UCP2: variants seen among roughly 807,000 people sequenced by gnomAD.
The protein encoded by UCP2 is uncoupling protein 2, also known as dicarboxylate carrier SLC25A8.
UCP2 carries 27 observed loss-of-function variants against 31.3 expected under a neutral mutation model. That is an observed-to-expected ratio of 0.86 (90% CI 0.64 to 1.19). The LOEUF (loss-of-function observed/expected upper bound fraction) is 1.19. UCP2 is among the 50% of genes most tolerant of loss of function. UCP2 has a pLI of 0.00. For missense variants in UCP2, 377 were observed against 413.5 expected, an observed-to-expected ratio of 0.91 and a Z score of 0.76; for synonymous variants, 142 against 157.4, an observed-to-expected ratio of 0.90 and a Z score of 0.73.
intron 6 of UCP2, among the ~76,000 whole-genome samples, chr11:73,976,330 AGAGT>A (rs1439885748): frequency 5.3e-5 from 8 of 152,128 alleles, no homozygotes; most frequent in African/African-American, 1.7e-4. Context: ...CACGGGTAAC[AGAGT>A]GAGACTCTAT....
chr11:73,978,103 G>C lies in UCP2; in HGVS notation c.127-7C>G, dbSNP rs1457446051. 4.3e-6 allele frequency: 7 copies of C among 1,613,910 alleles called. No individual in the cohort carries two copies. The African/African-American group carries it at 8.0e-5, about 18-fold the overall frequency. On this transcript the variant is annotated splice_polypyrimidine_tract_variant and splice_region_variant and intron_variant, in intron 3 of 7. Coordinates refer to ENST00000663595, the MANE Select transcript of UCP2 (RefSeq NM_003355.3). The stretch of plus-strand genomic sequence containing the variant: ...CCTGACTTTCTCCTTGGATCTGCAA[G>C]GCCAAGACAGGGTAGCTACAGGGAT...
At chr11:73,975,445 G>A in intron 7 of UCP2, 46 bp downstream of exon 7, 1 of 1,573,292 alleles carries the variant, frequency 6.4e-7, no homozygotes, top group Non-Finnish European at 8.6e-7. Context: ...CAATAGACAT[G>A]CATAGCCAAG....
intron 2 of UCP2, 57 bp from the exon 3 acceptor site, chr11:73,978,534 C>T (rs1280933979): frequency 6.4e-6 from 7 of 1,095,934 alleles, no homozygotes; most frequent in African/African-American, 1.6e-5. Context: ...CCTCCCTGCT[C>T]ACCATCCCCA....
chr11:73,975,206 C>T, intron 7 of UCP2, 85 bp from the exon 8 acceptor site: 1 of 1,287,354 alleles, frequency 7.8e-7, no homozygotes, highest in East Asian at 2.5e-5. Context: ...AACCCAGTTG[C>T]TCTGTCCCAA....
intron 4 of UCP2, among the ~76,000 whole-genome samples, chr11:73,977,617 A>G (rs1591220249): frequency 6.6e-6 from 1 of 151,902 alleles, no homozygotes; most frequent in Non-Finnish European, 1.5e-5. Context: ...CTGCCTTCCC[A>G]CCTCAGTCTC....
Position 73,974,997 on chromosome 11 carries a change from C to T in UCP2, c.*10G>A, listed in dbSNP as rs1422866031. 6.5e-7 allele frequency: 1 copy of T among 1,549,978 alleles called. No homozygotes were observed. The highest frequency in any genetic ancestry group is 8.7e-7 in the Non-Finnish European group (1 of 1,143,974). ...AAGCCAGAGGTGATCAGGTCAGCAGCAGGAGAGGCTCAGAAGGGAGCCTCT... is the reference window on the plus strand; with the variant it reads ...AAGCCAGAGGTGATCAGGTCAGCAGTAGGAGAGGCTCAGAAGGGAGCCTCT... On this transcript the variant is annotated 3_prime_UTR_variant, in exon 8 of 8. Coordinates refer to ENST00000663595, the MANE Select transcript of UCP2 (RefSeq NM_003355.3).
intron 7 of UCP2, 91 bp downstream of exon 7, chr11:73,975,400 C>G (rs1248612138): frequency 8.4e-6 from 12 of 1,430,624 alleles, no homozygotes; most frequent in Non-Finnish European, 1.1e-5. Context: ...TCACACTTGG[C>G]TGCTACTCAC....
intron 6 of UCP2, 47 bp downstream of exon 6, chr11:73,976,594 G>A (rs776210946): frequency 6.7e-7 from 1 of 1,499,748 alleles, no homozygotes; most frequent in Non-Finnish European, 9.3e-7. Context: ...ACCTGCTCCT[G>A]GCATGGGGGA....
chr11:73,975,405 A>T, intron 7 of UCP2, 86 bp downstream of exon 7: 1 of 1,457,450 alleles, frequency 6.9e-7, no homozygotes, highest in Non-Finnish European at 9.4e-7. Flanking sequence ...CTTGGCTGCT[A>T]CTCACTTCCA....
intron 4 of UCP2, 144 bp from the exon 5 acceptor site, chr11:73,977,161 C>T: frequency 1.3e-6 from 1 of 786,772 alleles, no homozygotes; most frequent in Non-Finnish European, 2.0e-6. Context: ...CAAGCTCTTG[C>T]TGTAAGAACT....
At chr11:73,976,202 T>C (rs1203736790) in intron 6 of UCP2, among the ~76,000 whole-genome samples, 2 of 151,896 alleles carry the variant, frequency 1.3e-5, no homozygotes, top group Non-Finnish European at 2.9e-5. Context: ...CCATCTCTAC[T>C]AAAAATACAA....
chr11:73,977,891 G>A lies in UCP2; in HGVS notation c.332C>T (p.Ser111Phe). ...CACCCTTGCTCCATACTCACGCTCAGAGCCCTTGGTGTAGAACTGTTTGAC... is the reference window on the plus strand; with the variant it reads ...CACCCTTGCTCCATACTCACGCTCAAAGCCCTTGGTGTAGAACTGTTTGAC... ...DSVKQFYTKG[S>F]EHASIGSRLL... The change falls in exon 4 of 8, where the codon TCT becomes TTT. Residue 111 changes from serine (S) to phenylalanine (F), a missense_variant. Ser to Phe is a radical substitution (Grantham distance 155). Transcript: ENST00000663595. 1 of 1,614,226 alleles carries A rather than the reference G, an allele frequency of 6.2e-7. No individual in the cohort carries two copies. Among genetic ancestry groups the A allele is most frequent in the Non-Finnish European group, 8.5e-7 (1 of 1,180,038 alleles).
chr11:73,979,833 A>C (rs1951423086), intron 2 of UCP2: 1 of 149,282 alleles, frequency 6.7e-6, no homozygotes, highest in Admixed American at 6.7e-5. Context: ...AAAAAAAAAC[A>C]AACCCCAAAA....
rs1951454180 is a variant in UCP2 at position 73,981,476 on chromosome 11, C to G, written c.-100G>C. The G allele has an allele frequency of 6.6e-6, 1 of 152,204 alleles. No homozygotes were observed. The highest frequency in any genetic ancestry group is 2.4e-5 in the African/African-American group (1 of 41,426). 9.4% of individuals were successfully genotyped at this position (152,204 alleles called of 1,614,324 possible). A position where few individuals can be genotyped will look rare whatever the true frequency, so the allele number is the denominator to read the frequency against. Reference sequence around the variant, plus strand: ...CCTCTTCCTTGGACTGGACTCTTACCCGGCTTTGTAAGGTCTCACGGTGAG... The same window carrying G: ...CCTCTTCCTTGGACTGGACTCTTACGCGGCTTTGTAAGGTCTCACGGTGAG... On this transcript the variant is annotated splice_region_variant and 5_prime_UTR_variant, in exon 2 of 8. Transcript: ENST00000663595.
intron 2 of UCP2, chr11:73,981,274 C>A (rs754351466): frequency 1.4e-4 from 21 of 152,260 alleles, no homozygotes; most frequent in Middle Eastern, 3.4e-3. Context: ...AAATGGGGAC[C>A]AAGATCCTTG....
chr11:73,976,927 C>T lies in UCP2; in HGVS notation c.428G>A (p.Arg143Gln), dbSNP rs375112214. ...VAQPTDVVKV[R>Q]FQAQARAGGG... ...TCCAGCCCGGGCCTGAGCTTGGAAT[C>T]GGACCTTTACCACATCCGTGGGCTG... is the stretch of plus-strand genomic sequence containing the variant. The change falls in exon 5 of 8, where the codon CGA becomes CAA. Residue 143 changes from arginine to glutamine, a missense_variant. By Grantham distance (43) the Arg-to-Gln change is conservative (BLOSUM62 1). Coordinates refer to ENST00000663595, the MANE Select transcript of UCP2 (RefSeq NM_003355.3). The T allele has an allele frequency of 1.6e-5, 26 of 1,613,516 alleles. No homozygotes were observed. Among genetic ancestry groups the T allele is most frequent in the East Asian group, 8.9e-5 (4 of 44,856 alleles).
At position 73,974,870 on chromosome 11, in the gene UCP2, G is replaced by A. The variant is rs1041954313; in HGVS notation, c.*137C>T. On this transcript the variant is annotated 3_prime_UTR_variant, in exon 8 of 8. Transcript: ENST00000663595. ...GAATGTAGAAAGAGGGAAGGTGGTA[G>A]GTAAAGGAGCGGAAGGAAGAGGTGG... The A allele has an allele frequency of 2.9e-5, 23 of 790,682 alleles. No homozygotes were observed. The African/African-American group carries it at 3.3e-4, about 11-fold the overall frequency. 49.0% of individuals were successfully genotyped at this position (790,682 alleles called of 1,614,324 possible). A position where few individuals can be genotyped will look rare whatever the true frequency, so the allele number is the denominator to read the frequency against.
chr11:73,978,345 T>G lies in UCP2; in HGVS notation c.34A>C (p.Thr12Pro), dbSNP rs745503729. The change falls in exon 3 of 8, where the codon ACT (threonine) becomes CCT (proline). Residue 12 changes from threonine to proline, a missense_variant. Physicochemically the swap from Thr to Pro is conservative, Grantham distance 38. Coordinates refer to ENST00000663595, the MANE Select transcript of UCP2 (RefSeq NM_003355.3). Reference protein sequence around the residue: ...VGFKATDVPPTATVKFLGAGT... With the variant: ...VGFKATDVPPPATVKFLGAGT... ...GCCCCAAGAAACTTCACAGTGGCAGTAGGGGGCACATCTGTGGCCTTGAAC... is the reference window on the plus strand; with the variant it reads ...GCCCCAAGAAACTTCACAGTGGCAGGAGGGGGCACATCTGTGGCCTTGAAC... 5 of 1,614,152 alleles carry G rather than the reference T, an allele frequency of 3.1e-6. No individual in the cohort carries two copies. In the East Asian group the frequency reaches 8.9e-5, roughly 29 times the overall value.
intron 1 of UCP2, among the ~76,000 whole-genome samples, 159 bp downstream of exon 1, chr11:73,982,562 G>A (rs577981918): frequency 6.6e-6 from 1 of 152,226 alleles, no homozygotes; most frequent in East Asian, 1.9e-4. Context: ...GAGACAGAGC[G>A]AAAGCCTGTC....
Sources: allele counts gnomAD v4.1 joint callset (sites outside exome capture counted in the v4.1 genomes callset), GRCh38; gene constraint gnomAD v4.1.1; transcripts MANE v1.5; gene names NCBI Gene and HGNC (gene_info 2026-07-23, HGNC 2026-07-21).